The following GLG1 variants were observed in gnomAD, a reference collection of about 807,000 sequenced individuals.
GLG1 encodes the protein golgi glycoprotein 1, also known as Golgi apparatus protein 1.
GLG1 carries 38 observed loss-of-function variants against 160.5 expected under a neutral mutation model. The observed-to-expected ratio is 0.24, with a 90% CI of 0.18 to 0.31. The LOEUF is 0.31. Among genes scored for constraint, GLG1 ranks in the 10% least tolerant of loss-of-function variants. GLG1 has a pLI of 1.00. For synonymous variants in GLG1, 644 were observed against 543.4 expected (o/e 1.19, Z -2.57); for missense variants, 1,373 against 1,505.2 (o/e 0.91, Z 1.45).
intron 15 of GLG1, among the ~76,000 whole-genome samples, chr16:74,470,667 C>CGA (rs2015173675): frequency 6.6e-6 from 1 of 151,914 alleles, no homozygotes; most frequent in African/African-American, 2.4e-5. Flanking sequence ...AGGTTGGTCT[C>CGA]GAGTTCCTGA....
At chr16:74,505,696 A>C (rs1428379099) in intron 3 of GLG1, among the ~76,000 whole-genome samples, 2 of 152,236 alleles carry the variant, frequency 1.3e-5, no homozygotes, top group Admixed American at 1.3e-4. Context: ...CTCTAATAAA[A>C]TACAAAAAAT....
rs751083509 is a variant in GLG1, at chr16:74,480,349, A to T, written c.1719T>A (p.Arg573=). Residue 573 remains arginine, a synonymous_variant, in exon 11 of 26, where the codon CGT becomes CGA. Transcript: ENST00000422840. ...CATTCCAACCGTGGGTGTGGCAAAGACGAGAAGCGTCTCCCTGGCACTTGC... is the reference window on the plus strand; with the variant it reads ...CATTCCAACCGTGGGTGTGGCAAAGTCGAGAAGCGTCTCCCTGGCACTTGC... The part of the protein sequence containing the change: ...LYRKCQGDAS[R]LCHTHGWNET... The T allele has an allele frequency of 4.3e-6, 7 of 1,613,728 alleles. No homozygotes were observed. The African/African-American group carries it at 9.3e-5, about 22-fold the overall frequency.
intron 1 of GLG1, among the ~76,000 whole-genome samples, chr16:74,576,204 A>C (rs1044049865): frequency 6.6e-6 from 1 of 152,190 alleles, no homozygotes; most frequent in Non-Finnish European, 1.5e-5. Flanking sequence ...CTCAAAAAAA[A>C]AAAAAGTTCA....
At chr16:74,592,082 C>A (rs1343813645) in intron 1 of GLG1, among the ~76,000 whole-genome samples, 1 of 152,200 alleles carries the variant, frequency 6.6e-6, no homozygotes, top group East Asian at 1.9e-4. Flanking sequence ...CAATCTGCCA[C>A]CTTGGCCGCC....
intron 1 of GLG1, among the ~76,000 whole-genome samples, chr16:74,534,515 G>C (rs1029366246): frequency 2.0e-5 from 3 of 152,122 alleles, no homozygotes; most frequent in African/African-American, 7.2e-5. Context: ...TAGAGCATTG[G>C]AGAATTTTCA....
At chr16:74,539,786 C>T (rs890884095) in intron 1 of GLG1, among the ~76,000 whole-genome samples, 3 of 147,738 alleles carry the variant, frequency 2.0e-5, no homozygotes, top group African/African-American at 7.4e-5. Flanking sequence ...AGAGAAGATG[C>T]TCTGCCCCAA....
intron 25 of GLG1, among the ~76,000 whole-genome samples, chr16:74,455,171 G>A (rs1408877605): frequency 6.6e-6 from 1 of 152,076 alleles, no homozygotes. Context: ...TTCCCTAACG[G>A]ACCTTGATGG....
intron 1 of GLG1, among the ~76,000 whole-genome samples, chr16:74,542,935 T>C (rs1366717093): frequency 3.9e-5 from 6 of 152,106 alleles, no homozygotes; most frequent in East Asian, 1.9e-4. Context: ...TTCTATAATT[T>C]TGAAAACAAA....
At chr16:74,513,539 C>G (rs2016880266) in intron 2 of GLG1, among the ~76,000 whole-genome samples, 3 of 152,252 alleles carry the variant, frequency 2.0e-5, no homozygotes, top group African/African-American at 7.2e-5. Context: ...CTCCAACAGA[C>G]CTGCAGCTGA....
intron 1 of GLG1, among the ~76,000 whole-genome samples, chr16:74,567,466 C>A (rs2018688309): frequency 6.6e-6 from 1 of 150,800 alleles, no homozygotes; most frequent in African/African-American, 2.4e-5. Flanking sequence ...CAGGACTATT[C>A]TTCATTTGGG....
chr16:74,483,034 G>C lies in GLG1; in HGVS notation c.1662C>G (p.Ser554=), dbSNP rs1490949797. 3 of 1,583,720 alleles carry C rather than the reference G, an allele frequency of 1.9e-6. No homozygotes were observed. Among genetic ancestry groups the C allele is most frequent in the Non-Finnish European group, 2.6e-6 (3 of 1,152,460 alleles). The change falls in exon 10 of 26, where the codon TCC becomes TCG. Residue 554 remains serine, a synonymous_variant. Transcript: ENST00000422840. The part of the protein sequence containing the change: ...HRLLELQYFI[S]RDWKLDPVLY... ...TTCAAAATACTCACTTCCAATCCCG[G>C]GAGATGAAATACTGCAGCTCTAAGA... is the stretch of plus-strand genomic sequence containing the variant.
intron 1 of GLG1, among the ~76,000 whole-genome samples, chr16:74,569,876 A>C (rs577528604): frequency 7.9e-5 from 11 of 138,990 alleles, no homozygotes; most frequent in East Asian, 2.0e-4. Flanking sequence ...AAAAAAAAAG[A>C]AAAAAAAAAA....
At chr16:74,572,295 G>A (rs111470874) in intron 1 of GLG1, among the ~76,000 whole-genome samples, 124 of 152,252 alleles carry the variant, frequency 8.1e-4, no homozygotes, top group African/African-American at 2.8e-3. Flanking sequence ...TGGATCACCT[G>A]AGGTCAGGAG....
Position 74,480,301 on chromosome 16 carries a change from C to T in GLG1, c.1767G>A (p.Gln589=). ...TGTATAAACAAGAGAACACAGCTCC[C>T]TGAGGCATAAATTCACTGGTCTCAT... ...GWNETSEFMP[Q]GAVFSCLYRH... Residue 589 remains glutamine, a synonymous_variant, in exon 11 of 26, where the codon CAG becomes CAA. Coordinates refer to ENST00000422840, the MANE Select transcript of GLG1 (RefSeq NM_001145667.2). 6.2e-7 allele frequency: 1 copy of T among 1,613,454 alleles called. No homozygotes were observed.
Position 74,469,987 on chromosome 16 carries a change from C to G in GLG1, c.2316G>C (p.Lys772Asn), listed in dbSNP as rs139848664. ...DVLKLCPNIK[K>N]KVDVVICLST... ...TGAAACAACTACAAGCTACATACTT[C>G]TTTTTTATGTTTGGGCAAAGCTTCA... is the stretch of plus-strand genomic sequence containing the variant. Residue 772 changes from lysine (K) to asparagine (N), a missense_variant and splice_region_variant, in exon 16 of 26, where the codon AAG becomes AAC. By Grantham distance (94) the Lys-to-Asn change is moderately conservative. Transcript: ENST00000422840. The G allele has an allele frequency of 2.5e-6, 4 of 1,581,136 alleles. No homozygotes were observed. The African/African-American group carries it at 5.4e-5, about 21-fold the overall frequency.
At position 74,606,920 on chromosome 16, in the gene GLG1, C is replaced by A; in HGVS notation, c.175G>T (p.Ala59Ser). 1 of 1,606,908 alleles carries A rather than the reference C, an allele frequency of 6.2e-7. No homozygotes were observed. Among genetic ancestry groups the A allele is most frequent in the Non-Finnish European group, 8.5e-7 (1 of 1,178,252 alleles). ...FVGQAGGGGP[A>S]GQQLPQLPQS... Reference sequence around the variant, plus strand: ...GGCAGCTGGGGCAGCTGCTGACCCGCCGGGCCGCCGCCTCCGGCCTGCCCT... The same window carrying A: ...GGCAGCTGGGGCAGCTGCTGACCCGACGGGCCGCCGCCTCCGGCCTGCCCT... The change falls in exon 1 of 26, where the codon GCG (alanine) becomes TCG (serine). Residue 59 changes from alanine (A) to serine (S), a missense_variant. Physicochemically the swap from Ala to Ser is moderately conservative, Grantham distance 99. Transcript: ENST00000422840.
rs199518297 is a variant in GLG1 at position 74,567,211 on chromosome 16, C to CAGAGAG, written c.439-35064_439-35059dup. Among the ~76,000 whole-genome samples, 106 of 147,312 alleles carry CAGAGAG rather than the reference C, an allele frequency of 7.2e-4. 1 individual carries two copies. In the East Asian group the frequency reaches 8.5e-3, roughly 12 times the overall value. ...GGTGTAGGGAGCGGGGAGAGAGAGA[C>CAGAGAG]AGAGAGAGAGAGAGAGAGACAGACA... On this transcript the variant is annotated intron_variant, in intron 1 of 25. Coordinates refer to ENST00000422840, the MANE Select transcript of GLG1 (RefSeq NM_001145667.2).
intron 1 of GLG1, among the ~76,000 whole-genome samples, chr16:74,534,288 A>G (rs2017625878): frequency 6.6e-6 from 1 of 152,132 alleles, no homozygotes; most frequent in South Asian, 2.1e-4. Context: ...AGTTTAACTT[A>G]TATCTCTTAA....
At chr16:74,473,589 G>A (rs939596104) in intron 13 of GLG1, among the ~76,000 whole-genome samples, 3 of 151,014 alleles carry the variant, frequency 2.0e-5, no homozygotes, top group African/African-American at 7.3e-5. Flanking sequence ...ACAGGCACCC[G>A]CCACCACACC....
Sources: gnomAD v4.1 joint callset for allele counts (sites outside exome capture counted in the v4.1 genomes callset) on GRCh38, gnomAD v4.1.1 for gene constraint, MANE v1.5 for transcripts, NCBI Gene and HGNC (gene_info 2026-07-23, HGNC 2026-07-21) for gene names.